MATN2: variants seen among roughly 807,000 people sequenced by gnomAD.
MATN2 encodes matrilin 2.
A neutral mutation model predicts 103.2 loss-of-function variants in MATN2; 69 were observed. The observed-to-expected ratio is 0.67, with a 90% confidence interval of 0.55 to 0.82. The LOEUF (loss-of-function observed/expected upper bound fraction) is 0.82, where lower values mean the gene tolerates loss of function less well. Ranked by LOEUF, MATN2 falls within the 40% of genes least tolerant of loss-of-function variation. The probability of loss-of-function intolerance (pLI) is 0.00; values close to 1 mark genes in which losing one functional copy is unlikely to be tolerated. For missense variants in MATN2, 1,023 were observed against 1,211.5 expected, an observed-to-expected ratio of 0.84 and a Z score of 2.31; for synonymous variants, 429 against 450.2, an observed-to-expected ratio of 0.95 and a Z score of 0.60.
intron 7 of MATN2, among the ~76,000 whole-genome samples, chr8:97,996,875 A>G (rs1427809259): frequency 1.3e-5 from 2 of 152,240 alleles, no homozygotes; most frequent in African/African-American, 4.8e-5. Flanking sequence ...TACGTTTAAT[A>G]GGAGGTTGAT....
rs541280015 is a variant in MATN2, at chr8:97,916,970, G to A, written c.143-13983G>A. Among the ~76,000 whole-genome samples the A allele has an allele frequency of 2.0e-5, 3 of 151,768 alleles. No homozygotes were observed. The South Asian group carries it at 6.3e-4, about 32-fold the overall frequency. Reference sequence around the variant, plus strand: ...TTTTTCCTTTCCATTTTGCTGGCTCGTTGGTGCACACTTCCTGAGGGCCTG... The same window carrying A: ...TTTTTCCTTTCCATTTTGCTGGCTCATTGGTGCACACTTCCTGAGGGCCTG... On this transcript the variant is annotated intron_variant, in intron 2 of 18. Transcript: ENST00000254898.
intron 2 of MATN2, among the ~76,000 whole-genome samples, chr8:97,917,747 A>G (rs1478785730): frequency 6.6e-6 from 1 of 152,130 alleles, no homozygotes; most frequent in East Asian, 1.9e-4. Flanking sequence ...AGTAGAGTGT[A>G]TTCTCTATAT....
chr8:97,939,336 T>G (rs937650593), intron 3 of MATN2, among the ~76,000 whole-genome samples: 1 of 152,138 alleles, frequency 6.6e-6, no homozygotes, highest in Non-Finnish European at 1.5e-5. Context: ...ATCACCATTT[T>G]AAACCGCAAA....
intron 18 of MATN2, 123 bp downstream of exon 18, chr8:98,033,782 C>T (rs1474512337): frequency 3.8e-5 from 27 of 707,736 alleles, no homozygotes; most frequent in Non-Finnish European, 5.1e-5. Flanking sequence ...ACAGTGATCT[C>T]CAGGAAAGGC....
At position 97,941,850 on chromosome 8, in the gene MATN2, C is replaced by T. The variant is rs768887732; in HGVS notation, c.786C>T (p.Cys262=). ...FCINIPGSYV[C]RCKQGYILNS... Reference sequence around the variant, plus strand: ...TCAACATCCCTGGCTCATACGTCTGCAGGTGCAAACAAGGCTACATTCTCA... The same window carrying T: ...TCAACATCCCTGGCTCATACGTCTGTAGGTGCAAACAAGGCTACATTCTCA... The change falls in exon 4 of 19, where the codon TGC becomes TGT. Residue 262 remains cysteine, a synonymous_variant. Coordinates refer to ENST00000254898, the MANE Select transcript of MATN2 (RefSeq NM_002380.5). 4 of 1,613,366 alleles carry T rather than the reference C, an allele frequency of 2.5e-6. No individual in the cohort carries two copies. The Admixed American group carries it at 5.0e-5, about 20-fold the overall frequency.
At chr8:98,032,450 A>T (rs914390361) in intron 16 of MATN2, 133 bp downstream of exon 16, 1 of 676,502 alleles carries the variant, frequency 1.5e-6, no homozygotes, top group Admixed American at 2.8e-5. Context: ...TCCCTCAAAA[A>T]GATAGTTAAC....
At chr8:97,972,133 G>A (rs752952713) in intron 5 of MATN2, among the ~76,000 whole-genome samples, 11 of 151,246 alleles carry the variant, frequency 7.3e-5, no homozygotes, top group Non-Finnish European at 1.3e-4. Flanking sequence ...GGAGATATGT[G>A]CCACCACCCC....
intron 7 of MATN2, among the ~76,000 whole-genome samples, chr8:98,000,345 T>A (rs571238829): frequency 1.3e-5 from 2 of 151,068 alleles, no homozygotes; most frequent in African/African-American, 4.9e-5. Context: ...ACGCCTATAA[T>A]CCCAGCACTT....
intron 1 of MATN2, among the ~76,000 whole-genome samples, chr8:97,885,944 G>T (rs998047471): frequency 6.6e-6 from 1 of 152,194 alleles, no homozygotes; most frequent in African/African-American, 2.4e-5. Context: ...AGCAGTGGGC[G>T]AGCTCAGCTT....
At chr8:97,870,380 T>C (rs1817851786) in intron 1 of MATN2, among the ~76,000 whole-genome samples, 1 of 151,976 alleles carries the variant, frequency 6.6e-6, no homozygotes, top group Non-Finnish European at 1.5e-5. Context: ...TAGCCGGACT[T>C]GGTGGCGCAT....
chr8:97,941,747 T>G, intron 3 of MATN2, 30 bp from the exon 4 acceptor site: 1 of 1,557,406 alleles, frequency 6.4e-7, no homozygotes, highest in Non-Finnish European at 8.7e-7. Flanking sequence ...GCATCACTGT[T>G]GACTTACCTT....
intron 3 of MATN2, among the ~76,000 whole-genome samples, chr8:97,936,632 A>G (rs1000795311): frequency 2.0e-5 from 3 of 152,152 alleles, no homozygotes. Flanking sequence ...AATCCCACCA[A>G]TGACTTAGGC....
chr8:98,007,273 A>G lies in MATN2; in HGVS notation c.1450+46A>G. 6.2e-7 allele frequency: 1 copy of G among 1,611,266 alleles called. No individual in the cohort carries two copies. Among genetic ancestry groups the G allele is most frequent in the African/African-American group, 1.3e-5 (1 of 74,974 alleles). On this transcript the variant is annotated intron_variant, in intron 9 of 18. Transcript: ENST00000254898. This position sits in a 1 kb window ranked among gnomAD's most constrained non-coding sequence, Gnocchi z 4.2. ...CTCATAGGGGAAGGTTTGCACCAGGAGTGAAACCTATGTGACTGCAGAGGG... is the reference window on the plus strand; with the variant it reads ...CTCATAGGGGAAGGTTTGCACCAGGGGTGAAACCTATGTGACTGCAGAGGG...
At chr8:97,964,477 T>C (rs1017906349) in intron 5 of MATN2, among the ~76,000 whole-genome samples, 5 of 151,300 alleles carry the variant, frequency 3.3e-5, no homozygotes, top group African/African-American at 9.7e-5. Context: ...TTTTTGAGAT[T>C]GAGTCTTGCT....
rs138267115 is a variant in MATN2, at chr8:97,953,915, T to C, written c.836-7493T>C. Among the ~76,000 whole-genome samples the C allele has an allele frequency of 4.5e-4, 69 of 152,190 alleles. 1 individual carries two copies. The East Asian group carries it at 0.012, about 27-fold the overall frequency. On this transcript the variant is annotated intron_variant, in intron 4 of 18. Coordinates refer to ENST00000254898, the MANE Select transcript of MATN2 (RefSeq NM_002380.5). ...AAGCAGAGGTTGCAGTGAGCCTAGA[T>C]TGTGCCATTGCACTCTAGCCTGGGT...
chr8:97,935,064 C>T (rs1284646623), intron 3 of MATN2, among the ~76,000 whole-genome samples: 1 of 152,040 alleles, frequency 6.6e-6, no homozygotes, highest in East Asian at 1.9e-4. Context: ...TTAAAATAGC[C>T]GTTTGAGATA....
At chr8:97,898,711 G>A (rs1012696470) in intron 2 of MATN2, among the ~76,000 whole-genome samples, 1 of 152,050 alleles carries the variant, frequency 6.6e-6, no homozygotes, top group Non-Finnish European at 1.5e-5. Flanking sequence ...TCTCATACAA[G>A]GTCATTCAAC....
At chr8:97,929,212 G>A (rs903220485) in intron 2 of MATN2, among the ~76,000 whole-genome samples, 3 of 152,184 alleles carry the variant, frequency 2.0e-5, no homozygotes, top group African/African-American at 7.2e-5. Flanking sequence ...ACTCAGGGAC[G>A]AGTCACAGCC....
chr8:97,898,666 C>T (rs72675237), intron 2 of MATN2, among the ~76,000 whole-genome samples: 14,255 of 151,712 alleles, frequency 0.094, 980 homozygotes, highest in Admixed American at 0.21. Context: ...AGGCAGCTCA[C>T]ACTTCACTCT....
Sources: allele counts gnomAD v4.1 joint callset (sites outside exome capture counted in the v4.1 genomes callset), GRCh38; gene constraint gnomAD v4.1.1; non-coding constraint Gnocchi (gnomAD v3.1); transcripts MANE v1.5; gene names NCBI Gene and HGNC (gene_info 2026-07-23, HGNC 2026-07-21).